The following MIPEP variants were observed in gnomAD, a reference collection of about 807,000 sequenced individuals.
MIPEP encodes the protein mitochondrial intermediate peptidase.
Under a neutral mutation model 90.3 loss-of-function variants are expected in MIPEP, and 79 were observed. That is an observed-to-expected ratio of 0.87 (90% CI 0.73 to 1.05). The LOEUF is 1.05. Ranked by LOEUF, MIPEP falls within the 50% of genes least tolerant of loss-of-function variation. The pLI is 0.00. For synonymous variants in MIPEP, 334 were observed against 315.8 expected (o/e 1.06, Z -0.61); for missense variants, 940 against 905.6 (o/e 1.04, Z -0.49).
chr13:23,839,567 T>TA, intron 12 of MIPEP, 82 bp downstream of exon 12: 1 of 878,610 alleles, frequency 1.1e-6, no homozygotes, highest in South Asian at 2.5e-5. Context: ...TCATGGAATT[T>TA]AAAAAATGAT....
chr13:23,837,682 C>T lies in MIPEP; in HGVS notation c.1413G>A (p.Met471Ile). Reference protein sequence around the residue: ...GDYQLPVVVLMLNLPRSSRSS... With the variant: ...GDYQLPVVVLILNLPRSSRSS... ...TCCTTGAGGAACGGGGAAGATTCAGCATAAGAACTACAACTGGGAGTTGAT... is the reference window on the plus strand; with the variant it reads ...TCCTTGAGGAACGGGGAAGATTCAGTATAAGAACTACAACTGGGAGTTGAT... Residue 471 changes from methionine to isoleucine, a missense_variant, in exon 13 of 19, where the codon ATG becomes ATA. Physicochemically the swap from Met to Ile is conservative, Grantham distance 10. Transcript: ENST00000382172. 1.2e-6 allele frequency: 2 copies of T among 1,614,146 alleles called. No individual in the cohort carries two copies. Among genetic ancestry groups the T allele is most frequent in the South Asian group, 1.1e-5 (1 of 91,082 alleles).
chr13:23,730,500 A>G, intron 18 of MIPEP, 55 bp from the exon 19 acceptor site: 1 of 1,163,960 alleles, frequency 8.6e-7, no homozygotes, highest in Non-Finnish European at 1.3e-6. Context: ...CAGGAAGCAC[A>G]AAGACACAAA....
intron 18 of MIPEP, among the ~76,000 whole-genome samples, chr13:23,739,264 AG>A: frequency 6.6e-6 from 1 of 152,366 alleles, no homozygotes; most frequent in Middle Eastern, 3.4e-3. Flanking sequence ...ACGTGGTGTC[AG>A]TGTGAGCTGT....
Position 23,860,476 on chromosome 13 carries a change from C to G in MIPEP, c.1054-1564G>C, listed in dbSNP as rs535374080. 1.6e-3 allele frequency among the ~76,000 whole-genome samples: 246 copies of G among 152,304 alleles called. 1 individual carries two copies. The highest frequency in any genetic ancestry group is 5.6e-3 in the African/African-American group (233 of 41,562). ...ACAGGTATTAGGAGAGAGCAAAGAACACAGCCTCGGCTTGGAGGGGCAGCA... is the reference window on the plus strand; with the variant it reads ...ACAGGTATTAGGAGAGAGCAAAGAAGACAGCCTCGGCTTGGAGGGGCAGCA... On this transcript the variant is annotated intron_variant, in intron 9 of 18. Transcript: ENST00000382172.
At chr13:23,792,596 G>A (rs1417929908) in intron 16 of MIPEP, among the ~76,000 whole-genome samples, 11 of 152,186 alleles carry the variant, frequency 7.2e-5, no homozygotes, top group Non-Finnish European at 1.5e-4. Context: ...GGGCTCAAGC[G>A]ATCCTCTCAT....
At chr13:23,749,199 A>G (rs921473570) in intron 18 of MIPEP, among the ~76,000 whole-genome samples, 1 of 152,178 alleles carries the variant, frequency 6.6e-6, no homozygotes, top group African/African-American at 2.4e-5. Flanking sequence ...CTGAACAATG[A>G]CTGTTTATTT....
intron 3 of MIPEP, among the ~76,000 whole-genome samples, chr13:23,879,720 G>T (rs1871203661): frequency 6.6e-6 from 1 of 152,088 alleles, no homozygotes; most frequent in South Asian, 2.1e-4. Flanking sequence ...TAAAAACACT[G>T]TAAGGGAGAG....
chr13:23,730,286 T>G lies in MIPEP; in HGVS notation c.*62A>C. The G allele has an allele frequency of 9.3e-7, 1 of 1,072,420 alleles. No homozygotes were observed. The highest frequency in any genetic ancestry group is 1.4e-6 in the Non-Finnish European group (1 of 707,552). The allele number at this position is 1,072,420 out of a possible 1,614,324, so 66.4% of individuals were successfully genotyped here. ...AATCAGAAACAAGCTCTCACAGCTG[T>G]AGCATTTATAACAAAGTCATTATCT... On this transcript the variant is annotated 3_prime_UTR_variant, in exon 19 of 19. Coordinates refer to ENST00000382172, the MANE Select transcript of MIPEP (RefSeq NM_005932.4).
At chr13:23,750,134 A>G (rs1952426678) in intron 18 of MIPEP, among the ~76,000 whole-genome samples, 2 of 152,152 alleles carry the variant, frequency 1.3e-5, no homozygotes, top group Admixed American at 6.5e-5. Context: ...AAAAACTGTG[A>G]TGGAGTCAAG....
chr13:23,820,785 C>A (rs530140735), intron 14 of MIPEP, among the ~76,000 whole-genome samples: 2 of 152,300 alleles, frequency 1.3e-5, no homozygotes, highest in South Asian at 4.1e-4. Flanking sequence ...TCAGAGTGTG[C>A]ATTTCTAAGG....
rs576138563 is a variant in MIPEP, at chr13:23,769,318, G to A, written c.1849-9101C>T. The stretch of plus-strand genomic sequence containing the variant: ...AACCCCTGAGGCACACGACAAGAAG[G>A]GTTCTGTTTTTGTTTTCATGATAAT... On this transcript the variant is annotated intron_variant, in intron 16 of 18. Transcript: ENST00000382172. Among the ~76,000 whole-genome samples, 3 of 152,238 alleles carry A rather than the reference G, an allele frequency of 2.0e-5. No individual in the cohort carries two copies. The South Asian group carries it at 6.2e-4, about 32-fold the overall frequency.
chr13:23,769,946 C>T (rs1408098585), intron 16 of MIPEP, among the ~76,000 whole-genome samples: 1 of 152,144 alleles, frequency 6.6e-6, no homozygotes, highest in Admixed American at 6.5e-5. Context: ...ACACTCAGCA[C>T]CCTTGCCATG....
chr13:23,884,772 G>A (rs1871404952), intron 2 of MIPEP, among the ~76,000 whole-genome samples: 1 of 152,190 alleles, frequency 6.6e-6, no homozygotes, highest in South Asian at 2.1e-4. Context: ...ATTCCTGCAT[G>A]TATCCCTCAT....
At chr13:23,792,646 C>T (rs532636836) in intron 16 of MIPEP, among the ~76,000 whole-genome samples, 2 of 152,236 alleles carry the variant, frequency 1.3e-5, no homozygotes, top group East Asian at 1.9e-4. Context: ...GTGTGAGCCA[C>T]GATGTCTGGC....
intron 16 of MIPEP, 91 bp downstream of exon 16, chr13:23,805,859 C>G (rs1953100819): frequency 7.1e-7 from 1 of 1,406,342 alleles, no homozygotes; most frequent in Non-Finnish European, 9.7e-7. Flanking sequence ...GTAGGGATTT[C>G]AAGTTCTCCA....
At chr13:23,843,576 A>C (rs1869402969) in intron 10 of MIPEP, among the ~76,000 whole-genome samples, 2 of 152,246 alleles carry the variant, frequency 1.3e-5, no homozygotes, top group South Asian at 4.1e-4. Context: ...ATATTTTATG[A>C]CTACACTCTC....
At chr13:23,760,563 G>T in intron 16 of MIPEP, 1 of 546,552 alleles carries the variant, frequency 1.8e-6, no homozygotes, top group African/African-American at 1.9e-5. Context: ...AAAGGTGGAT[G>T]CCAGGGTGTG....
chr13:23,738,997 A>T (rs999130279), intron 18 of MIPEP, among the ~76,000 whole-genome samples: 3 of 152,260 alleles, frequency 2.0e-5, no homozygotes, highest in African/African-American at 4.8e-5. Flanking sequence ...CCTGAAAATG[A>T]GATGTCGTTT....
At chr13:23,831,195 T>G (rs780160095) in intron 14 of MIPEP, among the ~76,000 whole-genome samples, 1 of 152,118 alleles carries the variant, frequency 6.6e-6, no homozygotes, top group Non-Finnish European at 1.5e-5. Flanking sequence ...AAGGTAAAAG[T>G]ATCAGACTTT....
Sources: gnomAD v4.1 joint callset for allele counts (sites outside exome capture counted in the v4.1 genomes callset) on GRCh38, gnomAD v4.1.1 for gene constraint, MANE v1.5 for transcripts, NCBI Gene and HGNC (gene_info 2026-07-23, HGNC 2026-07-21) for gene names.